AMPH: variants seen among roughly 807,000 people sequenced by gnomAD.
AMPH encodes amphiphysin.
A neutral mutation model predicts 99.1 loss-of-function variants in AMPH; 49 were observed. That is an observed-to-expected ratio of 0.49 (90% CI 0.39 to 0.63). AMPH has a LOEUF of 0.63. Among genes scored for constraint, AMPH ranks in the 20% least tolerant of loss-of-function variants. The pLI, the probability that AMPH is intolerant of heterozygous loss-of-function variation, is 0.00. For synonymous variants in AMPH, 314 were observed against 317.3 expected, an observed-to-expected ratio of 0.99 and a Z score of 0.11; for missense variants, 759 against 863.4, an observed-to-expected ratio of 0.88 and a Z score of 1.52.
In AMPH at chr7:38,491,035, C is replaced by G. The variant is rs192581561; in HGVS notation, c.396+15G>C. 1 of 1,557,678 alleles carries G rather than the reference C, an allele frequency of 6.4e-7. No homozygotes were observed. The highest frequency in any genetic ancestry group is 2.2e-5 in the East Asian group (1 of 44,518). On this transcript the variant is annotated intron_variant, in intron 5 of 20. Transcript: ENST00000356264. ...CCCACTCAATCCTTCCCTTTATAGA[C>G]ACAGAGTAAAATACCTTTATGTCAG...
At chr7:38,521,581 G>A (rs943621275) in intron 2 of AMPH, among the ~76,000 whole-genome samples, 89 of 151,898 alleles carry the variant, frequency 5.9e-4, no homozygotes, top group Non-Finnish European at 2.8e-4. Flanking sequence ...AATGAAAAAA[G>A]GTAGAGAGAT....
intron 11 of AMPH, among the ~76,000 whole-genome samples, chr7:38,442,566 A>G (rs60918146): frequency 0.03 from 4,536 of 152,300 alleles, 198 homozygotes; most frequent in African/African-American, 0.1. Context: ...ATCCAAAATG[A>G]TCTCTGCAAA....
chr7:38,388,355 T>C (rs1784400560), intron 20 of AMPH, among the ~76,000 whole-genome samples: 1 of 152,102 alleles, frequency 6.6e-6, no homozygotes, highest in Non-Finnish European at 1.5e-5. Context: ...CTTTGTGACT[T>C]TTCTTTCTTG....
At chr7:38,621,574 T>G (rs1018933572) in intron 1 of AMPH, among the ~76,000 whole-genome samples, 1 of 152,208 alleles carries the variant, frequency 6.6e-6, no homozygotes, top group Non-Finnish European at 1.5e-5. Flanking sequence ...CTATGCATAT[T>G]TTATTAAATC....
At chr7:38,487,239 G>C (rs1020550831) in intron 5 of AMPH, among the ~76,000 whole-genome samples, 2 of 151,668 alleles carry the variant, frequency 1.3e-5, no homozygotes, top group Non-Finnish European at 3.0e-5. Flanking sequence ...AAAGTAATTA[G>C]TTGTCTTTCA....
intron 1 of AMPH, among the ~76,000 whole-genome samples, chr7:38,617,507 T>C (rs1793918017): frequency 6.6e-6 from 1 of 152,216 alleles, no homozygotes; most frequent in Admixed American, 6.5e-5. Flanking sequence ...GTTGAAACTA[T>C]CACAATACTT....
intron 11 of AMPH, among the ~76,000 whole-genome samples, chr7:38,441,214 T>A (rs1252187974): frequency 6.6e-6 from 1 of 151,968 alleles, no homozygotes; most frequent in East Asian, 1.9e-4. Flanking sequence ...ATTAGAGAGC[T>A]TCAACATAAA....
intron 1 of AMPH, among the ~76,000 whole-genome samples, chr7:38,610,296 GAAAA>G (rs1793600800): frequency 1.3e-4 from 1 of 7,510 alleles, no homozygotes; most frequent in African/African-American, 6.2e-4. Flanking sequence ...AAGAAAGAAA[GAAAA>G]GAAAAGAAAA....
chr7:38,571,455 GA>G (rs1792026059), intron 1 of AMPH, among the ~76,000 whole-genome samples: 1 of 109,840 alleles, frequency 9.1e-6, no homozygotes, highest in African/African-American at 3.5e-5. Context: ...TATTTATATA[GA>G]ATATATGGAA....
chr7:38,468,930 G>C lies in AMPH; in HGVS notation c.591-2682C>G, dbSNP rs1423996627. Among the ~76,000 whole-genome samples the C allele has an allele frequency of 4.5e-5, 3 of 66,894 alleles. 1 individual carries two copies. Among genetic ancestry groups the C allele is most frequent in the Non-Finnish European group, 8.4e-5 (3 of 35,884 alleles). The allele number at this position is 66,894 out of a possible 152,430, so 43.9% of individuals were successfully genotyped here. On this transcript the variant is annotated intron_variant, in intron 7 of 20. Coordinates refer to ENST00000356264, the MANE Select transcript of AMPH (RefSeq NM_001635.4). ...AGCACTTTGGGAGGCCGAGGCGGGT[G>C]GATCACGAGGTCAGGAGATCGAGAC... is the stretch of plus-strand genomic sequence containing the variant.
At chr7:38,592,730 CAAAA>C (rs397755917) in intron 1 of AMPH, among the ~76,000 whole-genome samples, 2 of 98,688 alleles carry the variant, frequency 2.0e-5, no homozygotes, top group Admixed American at 1.0e-4. Context: ...GACTCCGTCT[CAAAA>C]AAAAAAAAAA....
chr7:38,462,899 C>T (rs576715913), intron 10 of AMPH, 76 bp downstream of exon 10: 369 of 1,441,344 alleles, frequency 2.6e-4, no homozygotes, highest in Middle Eastern at 2.4e-3. Context: ...GCCCCGGCAC[C>T]GTGGGATTAT....
At chr7:38,625,201 G>C (rs1482842931) in intron 1 of AMPH, among the ~76,000 whole-genome samples, 1 of 152,158 alleles carries the variant, frequency 6.6e-6, no homozygotes, top group African/African-American at 2.4e-5. Context: ...TGACATGTAT[G>C]CAACAGGTCT....
At chr7:38,534,642 C>T (rs181028387) in intron 2 of AMPH, among the ~76,000 whole-genome samples, 89 of 152,260 alleles carry the variant, frequency 5.8e-4, no homozygotes, top group Admixed American at 1.0e-3. Context: ...TGTCACTGCA[C>T]GCCAACCTGG....
chr7:38,400,738 G>A (rs900299473), intron 17 of AMPH, among the ~76,000 whole-genome samples: 2 of 152,096 alleles, frequency 1.3e-5, no homozygotes, highest in African/African-American at 4.8e-5. Flanking sequence ...TTACTTATTT[G>A]CTTGTTTTCT....
chr7:38,587,949 T>TGTGTGTGCGC (rs931620644), intron 1 of AMPH, among the ~76,000 whole-genome samples: 18 of 146,198 alleles, frequency 1.2e-4, no homozygotes, highest in African/African-American at 4.3e-4. Context: ...TGTGTGTGTG[T>TGTGTGTGCGC]GCGCGTGTGT....
chr7:38,427,751 T>C (rs899584863), intron 14 of AMPH: 5 of 373,622 alleles, frequency 1.3e-5, no homozygotes, highest in Non-Finnish European at 2.6e-5. Context: ...AAGATAGTGA[T>C]GGATAATGAA....
intron 2 of AMPH, among the ~76,000 whole-genome samples, chr7:38,521,790 A>G (rs886942601): frequency 3.9e-5 from 6 of 152,166 alleles, no homozygotes; most frequent in African/African-American, 1.2e-4. Context: ...ATACTTCAGT[A>G]GTACATTCTT....
chr7:38,411,376 G>A (rs1785212559), intron 17 of AMPH, among the ~76,000 whole-genome samples: 1 of 152,154 alleles, frequency 6.6e-6, no homozygotes, highest in Admixed American at 6.5e-5. Flanking sequence ...CACCGATGCT[G>A]GAACACAAGG....
Sources: gnomAD v4.1 joint callset for allele counts (sites outside exome capture counted in the v4.1 genomes callset) on GRCh38, gnomAD v4.1.1 for gene constraint, MANE v1.5 for transcripts, NCBI Gene and HGNC (gene_info 2026-07-23, HGNC 2026-07-21) for gene names.